PRKD3: variants seen among roughly 807,000 people sequenced by gnomAD.
PRKD3 encodes protein kinase D3, also known as serine/threonine-protein kinase D3.
Under a neutral mutation model 99.2 loss-of-function variants are expected in PRKD3, and 47 were observed. That is an observed-to-expected ratio of 0.47 (90% CI 0.38 to 0.60). PRKD3 has a LOEUF of 0.60. PRKD3 is among the 20% of genes least tolerant of loss of function. The pLI, the probability that PRKD3 is intolerant of heterozygous loss-of-function variation, is 0.00. For synonymous variants in PRKD3, 392 were observed against 355.4 expected, an observed-to-expected ratio of 1.10 and a Z score of -1.16; for missense variants, 1,019 against 1,088.4, an observed-to-expected ratio of 0.94 and a Z score of 0.90.
chr2:37,320,326 G>A (rs1359688339), intron 1 of PRKD3, among the ~76,000 whole-genome samples: 1 of 151,262 alleles, frequency 6.6e-6, no homozygotes, highest in African/African-American at 2.4e-5. Flanking sequence ...GAGGTAATGA[G>A]CTCCACAACG....
intron 13 of PRKD3, chr2:37,267,908 G>A: frequency 4.7e-6 from 1 of 210,858 alleles, no homozygotes; most frequent in Non-Finnish European, 9.5e-6. Flanking sequence ...CAATGAGTCA[G>A]CACAGAGTGA....
chr2:37,291,090 A>G (rs1670399590), intron 3 of PRKD3, 91 bp from the exon 4 acceptor site: 3 of 1,213,062 alleles, frequency 2.5e-6, no homozygotes, highest in Non-Finnish European at 3.3e-6. Context: ...CAAAGTACAC[A>G]GAATCATTTT....
intron 15 of PRKD3, 21 bp from the exon 16 acceptor site, chr2:37,259,702 CT>C (rs745633419): frequency 6.5e-7 from 1 of 1,545,228 alleles, no homozygotes; most frequent in South Asian, 1.1e-5. Context: ...AAAAGATTTT[CT>C]TTTCAATGTC....
intron 16 of PRKD3, among the ~76,000 whole-genome samples, chr2:37,257,736 G>C (rs1181023788): frequency 6.8e-6 from 1 of 146,376 alleles, no homozygotes; most frequent in Non-Finnish European, 1.5e-5. Flanking sequence ...CTTAATCCTA[G>C]AATCTCTTTT....
chr2:37,272,305 C>T, intron 12 of PRKD3, 75 bp downstream of exon 12: 1 of 1,562,452 alleles, frequency 6.4e-7, no homozygotes, highest in South Asian at 1.2e-5. Flanking sequence ...ACCAATTTCT[C>T]TAATAAAGAT....
chr2:37,320,739 ACTACTT>A (rs1671850773), intron 1 of PRKD3, among the ~76,000 whole-genome samples: 1 of 152,090 alleles, frequency 6.6e-6, no homozygotes, highest in Non-Finnish European at 1.5e-5. Flanking sequence ...GCCCAAATTA[ACTACTT>A]CTACTTTGAT....
intron 2 of PRKD3, among the ~76,000 whole-genome samples, chr2:37,312,897 C>A (rs999408492): frequency 6.6e-6 from 1 of 152,146 alleles, no homozygotes; most frequent in Non-Finnish European, 1.5e-5. Flanking sequence ...AGCAATCGTT[C>A]ACTATTAGCT....
chr2:37,319,779 C>T (rs1179756736), intron 1 of PRKD3, among the ~76,000 whole-genome samples: 1 of 151,448 alleles, frequency 6.6e-6, no homozygotes, highest in Non-Finnish European at 1.5e-5. Flanking sequence ...ATCATGCACG[C>T]AAAGGTAAAA....
intron 2 of PRKD3, among the ~76,000 whole-genome samples, chr2:37,309,917 T>G (rs150547218): frequency 1.6e-4 from 24 of 150,720 alleles, no homozygotes; most frequent in African/African-American, 5.9e-4. Flanking sequence ...TATTCTAATA[T>G]AGAAGTCACA....
intron 14 of PRKD3, among the ~76,000 whole-genome samples, chr2:37,266,326 C>G (rs1668835740): frequency 6.6e-6 from 1 of 152,120 alleles, no homozygotes; most frequent in African/African-American, 2.4e-5. Flanking sequence ...CAGCATTAAC[C>G]ATTTTTTGTT....
intron 2 of PRKD3, 106 bp from the exon 3 acceptor site, chr2:37,293,377 A>C: frequency 9.1e-7 from 1 of 1,093,870 alleles, no homozygotes; most frequent in Non-Finnish European, 1.2e-6. Flanking sequence ...TTAACCTAAC[A>C]CTATTTGCTA....
At chr2:37,257,671 GA>G (rs1164110574) in intron 16 of PRKD3, among the ~76,000 whole-genome samples, 638 of 28,546 alleles carry the variant, frequency 0.022, 2 homozygotes, top group African/African-American at 0.079. Context: ...TGTCTCAAAA[GA>G]AAAAAAAAAA....
intron 13 of PRKD3, chr2:37,269,309 A>C (rs58290161): frequency 0.018 from 6,105 of 331,310 alleles, 347 homozygotes; most frequent in African/African-American, 0.12. Flanking sequence ...AAGCCCACTC[A>C]GCCCAACATA....
intron 16 of PRKD3, among the ~76,000 whole-genome samples, chr2:37,259,052 G>GGAAA (rs201390894): frequency 2.2e-4 from 33 of 148,764 alleles, no homozygotes; most frequent in South Asian, 1.1e-3. Flanking sequence ...TGAACACTTG[G>GGAAA]AAAAAAAAAA....
At chr2:37,256,211 G>C (rs1380960829) in intron 17 of PRKD3, among the ~76,000 whole-genome samples, 1 of 152,144 alleles carries the variant, frequency 6.6e-6, no homozygotes, top group Admixed American at 6.5e-5. Flanking sequence ...AAACAACTAG[G>C]TTTGTGTAGG....
chr2:37,302,310 T>C (rs1670968770), intron 2 of PRKD3, among the ~76,000 whole-genome samples: 1 of 152,200 alleles, frequency 6.6e-6, no homozygotes, highest in Admixed American at 6.5e-5. Context: ...CTGTGCAAAA[T>C]GAAGTATTTT....
In PRKD3 at chr2:37,267,544, G is replaced by GA. The variant is rs1668930952; in HGVS notation, c.1778-9dup. 1.9e-6 allele frequency: 3 copies of GA among 1,578,350 alleles called. No individual in the cohort carries two copies. Among genetic ancestry groups the GA allele is most frequent in the African/African-American group, 1.4e-5 (1 of 73,504 alleles). On this transcript the variant is annotated splice_polypyrimidine_tract_variant and intron_variant, in intron 13 of 18. Coordinates refer to ENST00000234179, the MANE Select transcript of PRKD3 (RefSeq NM_005813.6). ...CAGTCTTTCTATGTTTTCCTATTAA[G>GA]AAAAAAAGAAGAGGAACGAATGAAG...
At chr2:37,315,742 A>C (rs544425826) in intron 2 of PRKD3, among the ~76,000 whole-genome samples, 5 of 152,342 alleles carry the variant, frequency 3.3e-5, no homozygotes, top group Admixed American at 1.3e-4. Context: ...TTTCAGACTG[A>C]GTCTCACTCT....
At chr2:37,296,660 G>A (rs1479778628) in intron 2 of PRKD3, among the ~76,000 whole-genome samples, 2 of 151,930 alleles carry the variant, frequency 1.3e-5, no homozygotes, top group African/African-American at 4.8e-5. Context: ...CACTTTGGGA[G>A]GCCGCGGCGG....
Sources: gnomAD v4.1 joint callset for allele counts (sites outside exome capture counted in the v4.1 genomes callset) on GRCh38, gnomAD v4.1.1 for gene constraint, MANE v1.5 for transcripts, NCBI Gene and HGNC (gene_info 2026-07-23, HGNC 2026-07-21) for gene names.